Variants in DYRK1A observed in about 807,000 individuals in gnomAD.
DYRK1A encodes dual specificity tyrosine-phosphorylation-regulated kinase 1A.
A neutral mutation model predicts 79.7 loss-of-function variants in DYRK1A; 9 were observed. That is an observed-to-expected ratio of 0.11 (90% CI 0.07 to 0.20). DYRK1A has a LOEUF of 0.20. DYRK1A is among the 10% of genes least tolerant of loss of function. The probability of loss-of-function intolerance (pLI) is 1.00; values close to 1 mark genes in which losing one functional copy is unlikely to be tolerated. For missense variants in DYRK1A, 622 were observed against 956.0 expected, an observed-to-expected ratio of 0.65 and a Z score of 4.61; for synonymous variants, 349 against 329.7, an observed-to-expected ratio of 1.06 and a Z score of -0.63.
chr21:37,417,529 C>CTTTTTCTTTTTCTTTTTCTTT (rs1555959239), intron 1 of DYRK1A, among the ~76,000 whole-genome samples: 1 of 44,070 alleles, frequency 2.3e-5, no homozygotes, highest in African/African-American at 1.0e-4. Context: ...TTTTCTTTTT[C>CTTTTTCTTTTTCTTTTTCTTT]TTTTTTTTTT....
rs2053791907 is a variant in DYRK1A, at chr21:37,512,739, G to A, written c.*208G>A. 8.3e-6 allele frequency: 5 copies of A among 601,476 alleles called. No homozygotes were observed. The highest frequency in any genetic ancestry group is 1.2e-5 in the Non-Finnish European group (4 of 346,484). 37.3% of individuals were successfully genotyped at this position (601,476 alleles called of 1,614,324 possible). A position where few individuals can be genotyped will look rare whatever the true frequency, so the allele number is the denominator to read the frequency against. ...GAGCCATGTCCAAACCCATCTTCAT[G>A]GATAGCTCAGAGGTATCCTCTTTTT... is the stretch of plus-strand genomic sequence containing the variant. On this transcript the variant is annotated 3_prime_UTR_variant, in exon 12 of 12. Transcript: ENST00000647188.
intron 2 of DYRK1A, among the ~76,000 whole-genome samples, chr21:37,430,869 C>T (rs1218409103): frequency 4.6e-5 from 7 of 152,094 alleles, no homozygotes; most frequent in African/African-American, 1.5e-4. Context: ...GAGCCACTGG[C>T]GGAGGCTGAT....
At chr21:37,405,138 G>C (rs531886445) in intron 1 of DYRK1A, among the ~76,000 whole-genome samples, 2 of 152,116 alleles carry the variant, frequency 1.3e-5, no homozygotes, top group Admixed American at 1.3e-4. Context: ...ATTTTTTAGT[G>C]ATGTCGGCCT....
chr21:37,488,966 T>C (rs909057333), intron 6 of DYRK1A: 11 of 723,016 alleles, frequency 1.5e-5, no homozygotes, highest in Middle Eastern at 7.1e-4. Flanking sequence ...TTTTGTTATT[T>C]TTAGTATCGA....
At chr21:37,373,511 A>G (rs1400401348) in intron 1 of DYRK1A, among the ~76,000 whole-genome samples, 1 of 152,220 alleles carries the variant, frequency 6.6e-6, no homozygotes, top group African/African-American at 2.4e-5. Context: ...TTCATAAAAC[A>G]ACAGTATAAC....
intron 1 of DYRK1A, among the ~76,000 whole-genome samples, chr21:37,402,090 C>T (rs1006345657): frequency 6.6e-6 from 1 of 152,118 alleles, no homozygotes; most frequent in African/African-American, 2.4e-5. Flanking sequence ...TTTACTCCTA[C>T]TTATATTATA....
Position 37,472,562 on chromosome 21 carries a change from T to A in DYRK1A, c.11-122T>A. 5.7e-6 allele frequency: 4 copies of A among 702,726 alleles called. No homozygotes were observed. The South Asian group carries it at 1.3e-4, about 23-fold the overall frequency. The allele number at this position is 702,726 out of a possible 1,614,324, so 43.5% of individuals were successfully genotyped here. On this transcript the variant is annotated intron_variant, in intron 2 of 11. Transcript: ENST00000647188. Reference sequence around the variant, plus strand: ...TTGAGTAACATATACCTGTTTGTAGTTAGAAAAGTTTTTTAATATTGAATA... The same window carrying A: ...TTGAGTAACATATACCTGTTTGTAGATAGAAAAGTTTTTTAATATTGAATA...
intron 2 of DYRK1A, among the ~76,000 whole-genome samples, chr21:37,465,044 A>T (rs2051977916): frequency 6.6e-6 from 1 of 152,250 alleles, no homozygotes; most frequent in Non-Finnish European, 1.5e-5. Flanking sequence ...TTTCATACAC[A>T]GCAGTCGAGT....
chr21:37,463,489 C>G (rs2051921529), intron 2 of DYRK1A, among the ~76,000 whole-genome samples: 1 of 152,140 alleles, frequency 6.6e-6, no homozygotes, highest in Non-Finnish European at 1.5e-5. Flanking sequence ...AGACTTTTCT[C>G]TGCTTTTGAT....
At chr21:37,389,863 C>T (rs1569286196) in intron 1 of DYRK1A, among the ~76,000 whole-genome samples, 1 of 151,836 alleles carries the variant, frequency 6.6e-6, no homozygotes, top group African/African-American at 2.4e-5. Flanking sequence ...GGCTGGCATG[C>T]ACAGTTCTGT....
intron 1 of DYRK1A, among the ~76,000 whole-genome samples, chr21:37,409,748 T>C (rs2050210379): frequency 6.6e-6 from 1 of 152,198 alleles, no homozygotes; most frequent in Non-Finnish European, 1.5e-5. Context: ...CTTAAATGCT[T>C]TCTTCGAGTG....
intron 1 of DYRK1A, chr21:37,410,472 G>GGA (rs1227065485): frequency 6.6e-6 from 1 of 152,168 alleles, no homozygotes; most frequent in Non-Finnish European, 1.5e-5. Flanking sequence ...TTCTCCTTAA[G>GGA]GAGAGGAGGG....
At chr21:37,470,542 A>G (rs550576096) in intron 2 of DYRK1A, among the ~76,000 whole-genome samples, 17 of 152,320 alleles carry the variant, frequency 1.1e-4, no homozygotes, top group Admixed American at 2.6e-4. Flanking sequence ...TGCTTCATAG[A>G]TAGGGAATCT....
chr21:37,511,341 G>A (rs185212905), intron 11 of DYRK1A, among the ~76,000 whole-genome samples: 4 of 152,304 alleles, frequency 2.6e-5, no homozygotes, highest in Non-Finnish European at 2.9e-5. Flanking sequence ...TTTGGAGAAG[G>A]GCAAGGATGG....
chr21:37,405,260 A>G (rs2050127154), intron 1 of DYRK1A, among the ~76,000 whole-genome samples: 1 of 152,118 alleles, frequency 6.6e-6, no homozygotes, highest in Non-Finnish European at 1.5e-5. Context: ...GCTCTGCAGG[A>G]ATGACTGGGG....
At chr21:37,499,980 G>T (rs569081999) in intron 9 of DYRK1A, among the ~76,000 whole-genome samples, 1 of 152,188 alleles carries the variant, frequency 6.6e-6, no homozygotes, top group Non-Finnish European at 1.5e-5. Context: ...TTTCACATAT[G>T]TGGGTTCCGC....
Position 37,506,140 on chromosome 21 carries a change from G to A in DYRK1A, c.1561G>A (p.Asp521Asn), listed in dbSNP as rs1440750899. The change falls in exon 11 of 12, where the codon GAT becomes AAT. Residue 521 changes from aspartate to asparagine, a missense_variant. By Grantham distance (23) the Asp-to-Asn change is conservative. Coordinates refer to ENST00000647188, the MANE Select transcript of DYRK1A (RefSeq NM_001347721.2). ...AAGCAACAGTGGGAGAGCCCGGTCG[G>A]ATCCGACGCACCAGCATCGGCACAG... is the stretch of plus-strand genomic sequence containing the variant. ...GTSNSGRARS[D>N]PTHQHRHSGG... 1.3e-5 allele frequency: 21 copies of A among 1,613,992 alleles called. No individual in the cohort carries two copies. Among genetic ancestry groups the A allele is most frequent in the Non-Finnish European group, 1.8e-5 (21 of 1,179,856 alleles).
intron 3 of DYRK1A, among the ~76,000 whole-genome samples, chr21:37,477,351 T>C (rs2052436179): frequency 6.6e-6 from 1 of 152,150 alleles, no homozygotes; most frequent in South Asian, 2.1e-4. Flanking sequence ...GATCTGTTGA[T>C]TGCAAGAACC....
At chr21:37,488,737 T>A (rs1293540819) in intron 6 of DYRK1A, 6 of 985,276 alleles carry the variant, frequency 6.1e-6, no homozygotes, top group African/African-American at 1.7e-5. Flanking sequence ...AACATTGTGA[T>A]CACAGAGCTT....
Sources: gnomAD v4.1 joint callset for allele counts (sites outside exome capture counted in the v4.1 genomes callset) on GRCh38, gnomAD v4.1.1 for gene constraint, MANE v1.5 for transcripts, NCBI Gene and HGNC (gene_info 2026-07-23, HGNC 2026-07-21) for gene names.